Variants in PPP2R5B observed in about 807,000 individuals in gnomAD.
PPP2R5B encodes the protein protein phosphatase 2 regulatory subunit B'beta, also known as serine/threonine-protein phosphatase 2A 56 kDa regulatory subunit beta isoform.
Under a neutral mutation model 59.9 loss-of-function variants are expected in PPP2R5B, and 19 were observed. The ratio of observed to expected loss-of-function variants is 0.32; its 90% CI spans 0.22 to 0.47. The LOEUF (loss-of-function observed/expected upper bound fraction) is 0.47. Among genes scored for constraint, PPP2R5B ranks in the 20% least tolerant of loss-of-function variants. The pLI is 1.00. For missense variants in PPP2R5B, 441 were observed against 640.2 expected, an observed-to-expected ratio of 0.69 and a Z score of 3.36; for synonymous variants, 286 against 260.5, an observed-to-expected ratio of 1.10 and a Z score of -0.94.
intron 6 of PPP2R5B, 133 bp from the exon 7 acceptor site, chr11:64,930,189 G>A (rs1464498519): frequency 2.0e-6 from 2 of 982,134 alleles, no homozygotes; most frequent in Non-Finnish European, 3.2e-6. Flanking sequence ...ATGTTGGGAA[G>A]GGAGCGCAGC....
rs562371566 is a variant in PPP2R5B at position 64,925,621 on chromosome 11, C to CCCCG, written c.-111_-110insGCCC. On this transcript the variant is annotated 5_prime_UTR_variant, in exon 2 of 14. Transcript: ENST00000164133. This position sits in a 1 kb window ranked among gnomAD's most constrained non-coding sequence, Gnocchi z 4.6. ...GCCCAGGACTGTGGTTGTGCCCCCC[C>CCCCG]CCCAAAGGCCGGACAGGATGGGACC... 0.039 allele frequency: 21,514 copies of CCCCG among 549,218 alleles called. 1,151 individuals are homozygous for CCCCG. Among genetic ancestry groups the CCCCG allele is most frequent in the Middle Eastern group, 0.058 (182 of 3,148 alleles). The allele number at this position is 549,218 out of a possible 1,614,324, so 34.0% of individuals were successfully genotyped here. A position where few individuals can be genotyped will look rare whatever the true frequency, so the allele number is the denominator to read the frequency against.
At chr11:64,933,003 G>A (rs1945244092) in intron 12 of PPP2R5B, 111 bp downstream of exon 12, 7 of 1,535,812 alleles carry the variant, frequency 4.6e-6, no homozygotes, top group Non-Finnish European at 6.2e-6. Context: ...AGCATCAAAA[G>A]ATGGCCCAGG....
upstream of PPP2R5B, among the ~76,000 whole-genome samples, chr11:64,920,681 G>A (rs1945101712): frequency 1.3e-5 from 2 of 150,834 alleles, no homozygotes; most frequent in South Asian, 4.2e-4. Context: ...CCAGCCTGGA[G>A]TGCAGTGGCG....
chr11:64,920,974 T>G (rs1945105667), upstream of PPP2R5B, among the ~76,000 whole-genome samples: 2 of 140,266 alleles, frequency 1.4e-5, no homozygotes, highest in Non-Finnish European at 3.0e-5. Context: ...ATTTTTTTTT[T>G]GAGCCAGTAC....
Position 64,928,353 on chromosome 11 carries a change from T to G in PPP2R5B, c.650T>G (p.Leu217Arg). ...PREREYLKTI[L>R]HRVYGKFLGL... ...GAGCGTGAGTACCTCAAGACCATCC[T>G]GCACCGGGTCTATGGCAAGTTCCTG... The change falls in exon 6 of 14, where the codon CTG (leucine) becomes CGG (arginine). Residue 217 changes from leucine to arginine, a missense_variant. Physicochemically the swap from Leu to Arg is moderately radical, Grantham distance 102 (BLOSUM62 -2). This residue lies in a region of PPP2R5B where 268 missense variants were observed against 488.1 expected (regional missense o/e 0.55). Transcript: ENST00000164133. The G allele has an allele frequency of 6.2e-7, 1 of 1,614,250 alleles. No homozygotes were observed. Among genetic ancestry groups the G allele is most frequent in the Non-Finnish European group, 8.5e-7 (1 of 1,180,046 alleles).
At chr11:64,922,263 C>T (rs192721125), upstream of PPP2R5B, among the ~76,000 whole-genome samples, 3 of 151,996 alleles carry the variant, frequency 2.0e-5, no homozygotes, top group African/African-American at 7.2e-5. Flanking sequence ...GCGAATGGAT[C>T]GCTTGAGCTC....
At chr11:64,932,695 T>C (rs958683513) in intron 11 of PPP2R5B, 70 bp from the exon 12 acceptor site, 52 of 1,569,806 alleles carry the variant, frequency 3.3e-5, no homozygotes, top group African/African-American at 3.0e-4. Flanking sequence ...GAGGTAGTGA[T>C]GGACACCAGA....
chr11:64,921,909 G>A (rs557325945), upstream of PPP2R5B, among the ~76,000 whole-genome samples: 3 of 152,272 alleles, frequency 2.0e-5, no homozygotes, highest in African/African-American at 7.2e-5. Flanking sequence ...ACAACGTGAT[G>A]CATTTCGTTT....
chr11:64,922,166 C>T (rs1394514155), upstream of PPP2R5B, among the ~76,000 whole-genome samples: 3 of 149,910 alleles, frequency 2.0e-5, no homozygotes, highest in South Asian at 4.2e-4. Context: ...GAGCCAGGAT[C>T]GCGCCACTGC....
chr11:64,931,714 C>A lies in PPP2R5B; in HGVS notation c.997-35C>A. ...TGTAGGGGGAGATGTGAGCTGCTGCCCCTCTGTCCCTACTCCCCTCCCCAA... is the reference window on the plus strand; with the variant it reads ...TGTAGGGGGAGATGTGAGCTGCTGCACCTCTGTCCCTACTCCCCTCCCCAA... On this transcript the variant is annotated intron_variant, in intron 10 of 13. Transcript: ENST00000164133. The surrounding 1 kb of genome is among the most constrained non-coding windows in gnomAD (Gnocchi z 5.0). 1 of 1,613,940 alleles carries A rather than the reference C, an allele frequency of 6.2e-7. No homozygotes were observed. The highest frequency in any genetic ancestry group is 2.2e-5 in the East Asian group (1 of 44,882).
At chr11:64,923,686 A>G (rs1235603116), upstream of PPP2R5B, among the ~76,000 whole-genome samples, 2 of 151,912 alleles carry the variant, frequency 1.3e-5, no homozygotes, top group Non-Finnish European at 2.9e-5. Context: ...GATGGGGCAG[A>G]CTCTGAAAAG....
chr11:64,923,403 G>C (rs616322), upstream of PPP2R5B, among the ~76,000 whole-genome samples: 15,150 of 152,236 alleles, frequency 0.1, 1,038 homozygotes, highest in Middle Eastern at 0.2. Context: ...TGGGCAAGGA[G>C]GGAGATCATG....
At chr11:64,928,869 C>T (rs1013449805) in intron 6 of PPP2R5B, among the ~76,000 whole-genome samples, 6 of 151,722 alleles carry the variant, frequency 4.0e-5, no homozygotes, top group African/African-American at 1.2e-4. Flanking sequence ...CCGGCCTGGG[C>T]GACAGAGCGA....
chr11:64,923,595 G>A (rs917455209), upstream of PPP2R5B, among the ~76,000 whole-genome samples: 13 of 152,078 alleles, frequency 8.5e-5, no homozygotes, highest in Non-Finnish European at 1.9e-4. Context: ...CACCTCTTGC[G>A]CACCCAGGCT....
intron 6 of PPP2R5B, 95 bp from the exon 7 acceptor site, chr11:64,930,227 C>A: frequency 7.4e-7 from 1 of 1,355,288 alleles, no homozygotes; most frequent in Non-Finnish European, 1.1e-6. Context: ...GTTGGATGAG[C>A]GTGCCGTGCA....
At position 64,934,435 on chromosome 11, in the gene PPP2R5B, T is replaced by G; in HGVS notation, c.*591T>G. ...CACAGTAATCATGGTCTACTCCTCT[T>G]TCCGTGGCTGGGGGTAGACTTAATA... On this transcript the variant is annotated 3_prime_UTR_variant, in exon 14 of 14. Coordinates refer to ENST00000164133, the MANE Select transcript of PPP2R5B (RefSeq NM_006244.4). The G allele has an allele frequency of 2.5e-6, 1 of 397,702 alleles. No homozygotes were observed. Among genetic ancestry groups the G allele is most frequent in the Non-Finnish European group, 4.7e-6 (1 of 213,352 alleles). The allele number at this position is 397,702 out of a possible 1,614,324, so 24.6% of individuals were successfully genotyped here.
At chr11:64,932,047 T>G (rs942266058) in intron 11 of PPP2R5B, among the ~76,000 whole-genome samples, 179 bp downstream of exon 11, 12 of 152,206 alleles carry the variant, frequency 7.9e-5, no homozygotes, top group Admixed American at 5.2e-4. Flanking sequence ...TTCCACTGGC[T>G]GAGGGGCCTT....
chr11:64,928,214 G>A (rs1479459253), intron 5 of PPP2R5B, 56 bp downstream of exon 5: 1 of 1,613,238 alleles, frequency 6.2e-7, no homozygotes. Flanking sequence ...GGCTCTCTGA[G>A]GGGCCAGGGA....
chr11:64,919,914 C>T (rs1003821901), upstream of PPP2R5B, among the ~76,000 whole-genome samples: 2 of 151,732 alleles, frequency 1.3e-5, no homozygotes, highest in Admixed American at 6.6e-5. Flanking sequence ...TGCTGTGGAG[C>T]GAATGAATGA....
Sources: gnomAD v4.1 joint callset for allele counts (sites outside exome capture counted in the v4.1 genomes callset) on GRCh38, gnomAD v4.1.1 for gene constraint, gnomAD v4.1.1 regional missense constraint, Gnocchi (gnomAD v3.1) non-coding constraint, MANE v1.5 for transcripts, NCBI Gene and HGNC (gene_info 2026-07-23, HGNC 2026-07-21) for gene names.